Variants in SMAD9 observed in about 807,000 individuals in gnomAD.
SMAD9 encodes the protein MAD homolog 9.
SMAD9 carries 36 observed loss-of-function variants against 46.1 expected under a neutral mutation model. That is an observed-to-expected ratio of 0.78 (90% confidence interval 0.60 to 1.03). The LOEUF is 1.03. Among genes scored for constraint, SMAD9 ranks in the 50% least tolerant of loss-of-function variants. The probability of loss-of-function intolerance (pLI) is 0.00; values close to 1 mark genes in which losing one functional copy is unlikely to be tolerated. For missense variants in SMAD9, 572 were observed against 599.8 expected, an observed-to-expected ratio of 0.95 and a Z score of 0.48; for synonymous variants, 245 against 237.1, an observed-to-expected ratio of 1.03 and a Z score of -0.31.
chr13:36,906,157 C>G (rs2058618596), intron 1 of SMAD9, among the ~76,000 whole-genome samples: 1 of 152,044 alleles, frequency 6.6e-6, no homozygotes. Flanking sequence ...AGAATAAATG[C>G]TGTGTCATTG....
At chr13:36,915,543 C>G (rs2058692202) in intron 1 of SMAD9, among the ~76,000 whole-genome samples, 1 of 150,974 alleles carries the variant, frequency 6.6e-6, no homozygotes, top group South Asian at 2.1e-4. Context: ...AAGAATGAGA[C>G]AAAGAGAGAG....
rs1002666404 is a variant in SMAD9 at position 36,872,774 on chromosome 13, G to A, written c.554C>T (p.Pro185Leu). The change falls in exon 3 of 7, where the codon CCG (proline) becomes CTG (leucine). Residue 185 changes from proline to leucine, a missense_variant. Coordinates refer to ENST00000379826, the MANE Select transcript of SMAD9 (RefSeq NM_001127217.3). Reference sequence around the variant, plus strand: ...GGGTGAGGGAGGGAGTGCAGAGCACGGAGGCTGCTGGAAAGAGTCAGGATA... The same window carrying A: ...GGGTGAGGGAGGGAGTGCAGAGCACAGAGGCTGCTGGAAAGAGTCAGGATA... ...ATYPDSFQQP[P>L]CSALPPSPSH... The A allele has an allele frequency of 6.2e-6, 10 of 1,613,934 alleles. No individual in the cohort carries two copies. The East Asian group carries it at 6.7e-5, about 11-fold the overall frequency.
intron 3 of SMAD9, among the ~76,000 whole-genome samples, chr13:36,869,055 A>C (rs1387656414): frequency 6.6e-6 from 1 of 152,166 alleles, no homozygotes; most frequent in Non-Finnish European, 1.5e-5. Context: ...AGGTACTTGC[A>C]ATAGGCAAAT....
rs760735946 is a variant in SMAD9, at chr13:36,872,753, G to A, written c.575C>T (p.Ser192Leu). The A allele has an allele frequency of 3.1e-6, 5 of 1,614,098 alleles. No homozygotes were observed. In the Admixed American group the frequency reaches 5.0e-5, roughly 16 times the overall value. Residue 192 changes from serine (S) to leucine (L), a missense_variant, in exon 3 of 7, where the codon TCA becomes TTA. By Grantham distance (145) the Ser-to-Leu change is moderately radical (BLOSUM62 -2). Coordinates refer to ENST00000379826, the MANE Select transcript of SMAD9 (RefSeq NM_001127217.3). The part of the protein sequence containing the change: ...QQPPCSALPP[S>L]PSHAFSQSPC... ...GGACTGGGAGAACGCGTGGCTGGGTGAGGGAGGGAGTGCAGAGCACGGAGG... is the reference window on the plus strand; with the variant it reads ...GGACTGGGAGAACGCGTGGCTGGGTAAGGGAGGGAGTGCAGAGCACGGAGG...
rs2058034978 is a variant in SMAD9, at chr13:36,845,763, CAAT to C, written c.*2910_*2912del. 6.6e-6 allele frequency: 1 copy of C among 152,098 alleles called. No individual in the cohort carries two copies. Among genetic ancestry groups the C allele is most frequent in the Non-Finnish European group, 1.5e-5 (1 of 68,020 alleles). 9.4% of individuals were successfully genotyped at this position (152,098 alleles called of 1,614,324 possible). A position where few individuals can be genotyped will look rare whatever the true frequency, so the allele number is the denominator to read the frequency against. On this transcript the variant is annotated 3_prime_UTR_variant, in exon 7 of 7. Coordinates refer to ENST00000379826, the MANE Select transcript of SMAD9 (RefSeq NM_001127217.3). The stretch of plus-strand genomic sequence containing the variant: ...AGCTGATTAAAATATGATTGTGTTA[CAAT>C]GACTAAAGGGTTAACTTCTCATTAA...
intron 1 of SMAD9, among the ~76,000 whole-genome samples, chr13:36,888,226 T>C (rs1436763480): frequency 2.0e-5 from 3 of 152,034 alleles, no homozygotes; most frequent in Non-Finnish European, 2.9e-5. Flanking sequence ...TGGTGGGAGG[T>C]GATTAGATCA....
chr13:36,870,878 C>G (rs896849016), intron 3 of SMAD9, among the ~76,000 whole-genome samples: 3 of 152,108 alleles, frequency 2.0e-5, no homozygotes, highest in African/African-American at 7.2e-5. Flanking sequence ...TAGATCTGAT[C>G]ACAGAGACAG....
intron 1 of SMAD9, among the ~76,000 whole-genome samples, chr13:36,905,371 TCTTC>T (rs1397088573): frequency 6.6e-6 from 1 of 152,164 alleles, no homozygotes; most frequent in Non-Finnish European, 1.5e-5. Flanking sequence ...CTTTTGAGTA[TCTTC>T]TTTTGTTAGT....
At chr13:36,895,910 A>G (rs2058523899) in intron 1 of SMAD9, among the ~76,000 whole-genome samples, 2 of 152,310 alleles carry the variant, frequency 1.3e-5, no homozygotes, top group South Asian at 4.1e-4. Context: ...TTTCCACCTA[A>G]GCAGAGACTT....
At chr13:36,868,695 C>T (rs1189975342) in intron 3 of SMAD9, among the ~76,000 whole-genome samples, 1 of 152,002 alleles carries the variant, frequency 6.6e-6, no homozygotes, top group African/African-American at 2.4e-5. Context: ...ACTGTGCCCC[C>T]ATACTCCAGC....
chr13:36,903,886 C>G (rs1177813988), intron 1 of SMAD9, among the ~76,000 whole-genome samples: 1 of 152,022 alleles, frequency 6.6e-6, no homozygotes, highest in Non-Finnish European at 1.5e-5. Flanking sequence ...GAAGAAAAAG[C>G]AGAATTACAG....
intron 2 of SMAD9, among the ~76,000 whole-genome samples, chr13:36,874,084 C>A (rs1053175832): frequency 6.6e-6 from 1 of 152,144 alleles, no homozygotes; most frequent in African/African-American, 2.4e-5. Context: ...GTAGCTACTC[C>A]AAAACTGTTG....
intron 1 of SMAD9, among the ~76,000 whole-genome samples, chr13:36,903,098 G>A (rs1023833596): frequency 4.1e-4 from 62 of 150,598 alleles, no homozygotes; most frequent in African/African-American, 1.2e-3. Flanking sequence ...CTCTAGTGCC[G>A]AGGGGCTCTT....
At chr13:36,875,983 T>C (rs894898172) in intron 2 of SMAD9, among the ~76,000 whole-genome samples, 1 of 152,234 alleles carries the variant, frequency 6.6e-6, no homozygotes, top group Non-Finnish European at 1.5e-5. Flanking sequence ...TTATTTGACC[T>C]GACTGGCTCC....
chr13:36,887,387 T>A (rs1279836514), intron 1 of SMAD9, among the ~76,000 whole-genome samples: 1 of 151,694 alleles, frequency 6.6e-6, no homozygotes, highest in East Asian at 1.9e-4. Flanking sequence ...CACACCCAGA[T>A]AATTTTTGTA....
At chr13:36,865,154 A>G (rs766992800) in intron 5 of SMAD9, among the ~76,000 whole-genome samples, 3 of 152,218 alleles carry the variant, frequency 2.0e-5, no homozygotes, top group Non-Finnish European at 4.4e-5. Flanking sequence ...CCTGATACAA[A>G]TAATCATCTA....
chr13:36,857,781 G>A (rs986272279), intron 5 of SMAD9, among the ~76,000 whole-genome samples: 1 of 152,036 alleles, frequency 6.6e-6, no homozygotes, highest in African/African-American at 2.4e-5. Context: ...ACCATAAAAG[G>A]CAGAGTGTCC....
chr13:36,875,981 C>A (rs571320229), intron 2 of SMAD9, among the ~76,000 whole-genome samples: 1 of 152,290 alleles, frequency 6.6e-6, no homozygotes, highest in South Asian at 2.1e-4. Context: ...TGTTATTTGA[C>A]CTGACTGGCT....
At chr13:36,874,242 A>T (rs2058323859) in intron 2 of SMAD9, among the ~76,000 whole-genome samples, 1 of 152,258 alleles carries the variant, frequency 6.6e-6, no homozygotes. Context: ...CAGAGTGTGC[A>T]GAGCTCAATT....
Sources: allele counts gnomAD v4.1 joint callset (sites outside exome capture counted in the v4.1 genomes callset), GRCh38; gene constraint gnomAD v4.1.1; transcripts MANE v1.5; gene names NCBI Gene and HGNC (gene_info 2026-07-23, HGNC 2026-07-21).